MAN2A1: variants seen among roughly 807,000 people sequenced by gnomAD.
The protein encoded by MAN2A1 is mannosidase alpha class 2A member 1, also known as alpha-mannosidase 2.
MAN2A1 carries 76 observed loss-of-function variants against 142.6 expected under a neutral mutation model. The observed-to-expected ratio is 0.53, with a 90% CI of 0.44 to 0.65. The LOEUF (loss-of-function observed/expected upper bound fraction) is 0.65, where lower values mean the gene tolerates loss of function less well. Among genes scored for constraint, MAN2A1 ranks in the 30% least tolerant of loss-of-function variants. MAN2A1 has a pLI of 0.00. For missense variants in MAN2A1, 1,311 were observed against 1,365.1 expected (o/e 0.96, Z 0.62); for synonymous variants, 559 against 473.2 (o/e 1.18, Z -2.35).
chr5:109,770,853 T>C (rs527458980), intron 7 of MAN2A1, among the ~76,000 whole-genome samples: 1 of 152,228 alleles, frequency 6.6e-6, no homozygotes, highest in Admixed American at 6.5e-5. Context: ...CATATACTTT[T>C]GTTGAATAAA....
intron 1 of MAN2A1, among the ~76,000 whole-genome samples, chr5:109,692,724 G>C (rs1076510): frequency 1.3e-5 from 2 of 149,956 alleles, no homozygotes; most frequent in Admixed American, 1.3e-4. Context: ...AAAATATAGA[G>C]CAGTGATCCT....
At chr5:109,854,599 G>T (rs1269329747) in intron 19 of MAN2A1, 3 of 152,102 alleles carry the variant, frequency 2.0e-5, no homozygotes, top group Non-Finnish European at 2.9e-5. Flanking sequence ...TATTTTGAGA[G>T]TTTTGTTTTC....
At chr5:109,703,733 A>G (rs889086713) in intron 1 of MAN2A1, among the ~76,000 whole-genome samples, 15 of 152,232 alleles carry the variant, frequency 9.9e-5, no homozygotes, top group Non-Finnish European at 2.2e-4. Context: ...TGGATTTGTA[A>G]GTAATAAAAC....
At chr5:109,694,868 TCTC>T (rs779747393) in intron 1 of MAN2A1, among the ~76,000 whole-genome samples, 1 of 152,300 alleles carries the variant, frequency 6.6e-6, no homozygotes, top group South Asian at 2.1e-4. Context: ...GAAAATATGA[TCTC>T]CTTCCCCTTC....
chr5:109,732,007 A>G (rs1279830753), intron 4 of MAN2A1, among the ~76,000 whole-genome samples: 1 of 151,970 alleles, frequency 6.6e-6, no homozygotes, highest in Non-Finnish European at 1.5e-5. Flanking sequence ...ATTTCTCCAC[A>G]TCCTCTCCAG....
chr5:109,819,895 C>G lies in MAN2A1; in HGVS notation c.2328+8C>G. ...CAAACTGGACTTATGAAGGTATGTT[C>G]TGAATAGTTCTAAAATTCATAGAAT... On this transcript the variant is annotated splice_region_variant and intron_variant, in intron 14 of 21. Transcript: ENST00000261483. The G allele has an allele frequency of 6.6e-7, 1 of 1,519,824 alleles. No homozygotes were observed. Among genetic ancestry groups the G allele is most frequent in the African/African-American group, 1.4e-5 (1 of 71,614 alleles). The allele number at this position is 1,519,824 out of a possible 1,614,324, so 94.1% of individuals were successfully genotyped here. A position where few individuals can be genotyped will look rare whatever the true frequency, so the allele number is the denominator to read the frequency against.
chr5:109,701,879 G>A (rs554500058), intron 1 of MAN2A1, among the ~76,000 whole-genome samples: 1 of 152,302 alleles, frequency 6.6e-6, no homozygotes, highest in Non-Finnish European at 1.5e-5. Flanking sequence ...ATAGGGACAA[G>A]CTGATCTGGA....
intron 7 of MAN2A1, among the ~76,000 whole-genome samples, chr5:109,771,586 G>C (rs1393110496): frequency 6.6e-6 from 1 of 152,110 alleles, no homozygotes; most frequent in Admixed American, 6.6e-5. Flanking sequence ...CATTTTCTTG[G>C]TTCCTACAGC....
At chr5:109,797,834 C>G (rs142505778) in intron 12 of MAN2A1, among the ~76,000 whole-genome samples, 1 of 152,044 alleles carries the variant, frequency 6.6e-6, no homozygotes, top group Non-Finnish European at 1.5e-5. Flanking sequence ...ATAGAACAAA[C>G]GCTAGACTGA....
chr5:109,833,473 GC>G (rs1194198352), intron 16 of MAN2A1, among the ~76,000 whole-genome samples: 2 of 152,170 alleles, frequency 1.3e-5, no homozygotes, highest in African/African-American at 4.8e-5. Flanking sequence ...CTGGAGACCA[GC>G]CCGGCCAACA....
chr5:109,797,417 G>A (rs1753892593), intron 12 of MAN2A1, among the ~76,000 whole-genome samples: 1 of 151,984 alleles, frequency 6.6e-6, no homozygotes, highest in African/African-American at 2.4e-5. Flanking sequence ...TGTTGGAGGG[G>A]CAATAACAGA....
At chr5:109,845,758 G>A in intron 17 of MAN2A1, 107 bp from the exon 18 acceptor site, 1 of 757,988 alleles carries the variant, frequency 1.3e-6, no homozygotes, top group Non-Finnish European at 2.0e-6. Flanking sequence ...TGAATAAAAA[G>A]GAAGCTTTGT....
In MAN2A1 at chr5:109,736,517, TA is replaced by T. The variant is rs1192018035; in HGVS notation, c.707+7013del. ...GGGTGACTGGGCAAGACCGGAACTCTAAAAAAAAAGTTTTTTTTAGGTCTTT... is the reference window on the plus strand; with the variant it reads ...GGGTGACTGGGCAAGACCGGAACTCTAAAAAAAAGTTTTTTTTAGGTCTTT... On this transcript the variant is annotated intron_variant, in intron 4 of 21. Coordinates refer to ENST00000261483, the MANE Select transcript of MAN2A1 (RefSeq NM_002372.4). 4.6e-5 allele frequency among the ~76,000 whole-genome samples: 7 copies of T among 150,890 alleles called. No homozygotes were observed. The East Asian group carries it at 8.0e-4, about 17-fold the overall frequency.
chr5:109,828,235 A>C (rs925196966), intron 16 of MAN2A1, among the ~76,000 whole-genome samples: 1 of 152,236 alleles, frequency 6.6e-6, no homozygotes, highest in Admixed American at 6.5e-5. Context: ...TTTGTAGAAA[A>C]TAACACTCTT....
At chr5:109,759,458 A>G (rs1752777311) in intron 5 of MAN2A1, among the ~76,000 whole-genome samples, 1 of 152,128 alleles carries the variant, frequency 6.6e-6, no homozygotes, top group Non-Finnish European at 1.5e-5. Flanking sequence ...CTTGTTGTGT[A>G]TGTTGGTAAT....
chr5:109,774,424 A>G (rs1753227555), intron 7 of MAN2A1, among the ~76,000 whole-genome samples: 1 of 152,112 alleles, frequency 6.6e-6, no homozygotes, highest in African/African-American at 2.4e-5. Flanking sequence ...AATCATTTTA[A>G]CACCTGGGCT....
At chr5:109,717,182 A>C (rs559011418) in intron 3 of MAN2A1, among the ~76,000 whole-genome samples, 68 of 152,210 alleles carry the variant, frequency 4.5e-4, no homozygotes, top group African/African-American at 1.5e-3. Context: ...CTGGTAACCT[A>C]ATAATTTGAA....
In MAN2A1 at chr5:109,758,407, A is replaced by G. The variant is rs560729681; in HGVS notation, c.835+2951A>G. Among the ~76,000 whole-genome samples, 15 of 151,618 alleles carry G rather than the reference A, an allele frequency of 9.9e-5. 1 individual carries two copies. The highest frequency in any genetic ancestry group is 3.6e-4 in the African/African-American group (15 of 41,430). ...TTATTATTGACTTAGAATTTTTTTTATATATTGTGGTTAAAAGTTCTTTGT... is the reference window on the plus strand; with the variant it reads ...TTATTATTGACTTAGAATTTTTTTTGTATATTGTGGTTAAAAGTTCTTTGT... On this transcript the variant is annotated intron_variant, in intron 5 of 21. Coordinates refer to ENST00000261483, the MANE Select transcript of MAN2A1 (RefSeq NM_002372.4).
chr5:109,775,696 A>G (rs996326856), intron 8 of MAN2A1, among the ~76,000 whole-genome samples: 1 of 152,158 alleles, frequency 6.6e-6, no homozygotes, highest in Non-Finnish European at 1.5e-5. Context: ...TAAATATTTC[A>G]GTATGTATCT....
Sources: allele counts gnomAD v4.1 joint callset (sites outside exome capture counted in the v4.1 genomes callset), GRCh38; gene constraint gnomAD v4.1.1; transcripts MANE v1.5; gene names NCBI Gene and HGNC (gene_info 2026-07-23, HGNC 2026-07-21).